ANK3: variants seen among roughly 807,000 people sequenced by gnomAD.
The protein encoded by ANK3 is ankyrin 3.
A neutral mutation model predicts 370.9 loss-of-function variants in ANK3; 57 were observed. The ratio of observed to expected loss-of-function variants is 0.15; its 90% CI spans 0.12 to 0.19. The LOEUF (loss-of-function observed/expected upper bound fraction) is 0.19, where lower values mean the gene tolerates loss of function less well. ANK3 is among the 10% of genes least tolerant of loss of function. The probability of loss-of-function intolerance (pLI) is 1.00; values close to 1 mark genes in which losing one functional copy is unlikely to be tolerated. For missense variants in ANK3, 4,439 were observed against 5,302.1 expected (o/e 0.84, Z 5.06); for synonymous variants, 1,929 against 1,946.3 (o/e 0.99, Z 0.23).
At chr10:60,426,067 GA>G (rs1004911048) in intron 2 of ANK3, among the ~76,000 whole-genome samples, 32 of 152,048 alleles carry the variant, frequency 2.1e-4, no homozygotes, top group African/African-American at 7.2e-4. Context: ...AAAAATATTT[GA>G]AAAAGCTTGA....
intron 2 of ANK3, among the ~76,000 whole-genome samples, chr10:60,536,910 G>C (rs1408439281): frequency 6.6e-6 from 1 of 151,862 alleles, no homozygotes; most frequent in Non-Finnish European, 1.5e-5. Context: ...TTGCAAAAAG[G>C]GACTGGCACT....
chr10:60,449,970 T>C (rs1325633847), intron 2 of ANK3, among the ~76,000 whole-genome samples: 2 of 133,138 alleles, frequency 1.5e-5, no homozygotes, highest in South Asian at 3.1e-4. Context: ...AGTGGTGCGA[T>C]GGAAAGAAAA....
chr10:60,043,515 C>T (rs1479709269), intron 42 of ANK3: 5 of 985,378 alleles, frequency 5.1e-6, no homozygotes, highest in Non-Finnish European at 6.0e-6. Context: ...TGGAGGGATT[C>T]TTTAACTGGC....
chr10:60,545,814 C>A (rs1281488862), intron 2 of ANK3, among the ~76,000 whole-genome samples: 1 of 152,134 alleles, frequency 6.6e-6, no homozygotes, highest in Non-Finnish European at 1.5e-5. Context: ...CAGTTTATAT[C>A]ACTAAAATTA....
rs113381956 is a variant in ANK3, at chr10:60,494,050, G to A, written c.96+121136C>T. Among the ~76,000 whole-genome samples the A allele has an allele frequency of 3.8e-3, 582 of 152,218 alleles. 1 individual carries two copies. The highest frequency in any genetic ancestry group is 0.01 in the Middle Eastern group (3 of 294). On this transcript the variant is annotated intron_variant, in intron 2 of 43. Transcript: ENST00000373827. Reference sequence around the variant, plus strand: ...ATAAGTATGGTGGGAGACTTCTGGGGAATTTTTCTTTGTTTATAGAAACAG... The same window carrying A: ...ATAAGTATGGTGGGAGACTTCTGGGAAATTTTTCTTTGTTTATAGAAACAG...
intron 1 of ANK3, among the ~76,000 whole-genome samples, chr10:60,304,169 A>G (rs1437836364): frequency 2.0e-5 from 3 of 152,082 alleles, no homozygotes; most frequent in Non-Finnish European, 4.4e-5. Context: ...TGAGTTCTGG[A>G]GACTTAATAC....
At chr10:60,332,702 G>C (rs1195905957) in intron 1 of ANK3, among the ~76,000 whole-genome samples, 1 of 152,112 alleles carries the variant, frequency 6.6e-6, no homozygotes, top group Non-Finnish European at 1.5e-5. Flanking sequence ...ATATAAATAA[G>C]AGCACCCTAT....
chr10:60,500,410 G>A (rs1393869933), intron 2 of ANK3, among the ~76,000 whole-genome samples: 1 of 152,094 alleles, frequency 6.6e-6, no homozygotes, highest in African/African-American at 2.4e-5. Flanking sequence ...ATTTGTGGAA[G>A]GTATTAGGAA....
intron 14 of ANK3, among the ~76,000 whole-genome samples, chr10:60,197,079 T>C (rs1465187770): frequency 1.3e-5 from 2 of 152,146 alleles, no homozygotes. Context: ...CCTCTCACAA[T>C]CTCACATCAC....
At chr10:60,376,440 T>C (rs1231500336) in intron 1 of ANK3, among the ~76,000 whole-genome samples, 2 of 150,998 alleles carry the variant, frequency 1.3e-5, no homozygotes, top group Non-Finnish European at 3.0e-5. Context: ...AGATGCCAAA[T>C]GGATGGCTAT....
intron 1 of ANK3, among the ~76,000 whole-genome samples, chr10:60,291,826 C>T (rs2041468311): frequency 1.3e-5 from 2 of 152,236 alleles, no homozygotes; most frequent in South Asian, 4.1e-4. Flanking sequence ...AATCCTCCCA[C>T]CTTGACCTCC....
intron 2 of ANK3, among the ~76,000 whole-genome samples, chr10:60,473,200 G>C (rs528388798): frequency 1.3e-5 from 2 of 152,132 alleles, no homozygotes; most frequent in Non-Finnish European, 2.9e-5. Context: ...TCACACTCAT[G>C]TATTTAAATA....
chr10:60,156,120 A>T (rs557636432), intron 23 of ANK3, among the ~76,000 whole-genome samples: 125 of 152,290 alleles, frequency 8.2e-4, no homozygotes, highest in African/African-American at 2.8e-3. Context: ...TTCAGTTGTG[A>T]CACCAGCTGT....
At chr10:60,242,998 T>C (rs1239806110) in intron 7 of ANK3, among the ~76,000 whole-genome samples, 2 of 152,192 alleles carry the variant, frequency 1.3e-5, no homozygotes, top group Non-Finnish European at 2.9e-5. Flanking sequence ...ACTTACTTTG[T>C]AGTGTACTAA....
At chr10:60,561,198 AC>A (rs2077326471) in intron 2 of ANK3, among the ~76,000 whole-genome samples, 1 of 152,254 alleles carries the variant, frequency 6.6e-6, no homozygotes, top group African/African-American at 2.4e-5. Flanking sequence ...CAAAATGCTG[AC>A]ATTAAATATG....
chr10:60,103,378 A>G (rs1590030686), intron 28 of ANK3, among the ~76,000 whole-genome samples: 1 of 152,224 alleles, frequency 6.6e-6, no homozygotes, highest in African/African-American at 2.4e-5. Context: ...ATAAAAGAAC[A>G]TAAAAAACAT....
At chr10:60,390,339 T>C (rs2062988119), upstream of ANK3, among the ~76,000 whole-genome samples, 5 of 152,128 alleles carry the variant, frequency 3.3e-5, no homozygotes. Flanking sequence ...CATATTGGTG[T>C]ATGGAACAGA....
At chr10:60,415,916 G>C (rs1594983577) in intron 2 of ANK3, among the ~76,000 whole-genome samples, 11 of 81,174 alleles carry the variant, frequency 1.4e-4, no homozygotes, top group African/African-American at 2.4e-4. Flanking sequence ...CTGAATTTGT[G>C]CCCCCCACCC....
intron 1 of ANK3, among the ~76,000 whole-genome samples, chr10:60,366,922 T>C (rs369593166): frequency 6.6e-6 from 1 of 152,246 alleles, no homozygotes; most frequent in South Asian, 2.1e-4. Context: ...CTTTATCCAA[T>C]GAAAAAACGT....
Sources: allele counts gnomAD v4.1 joint callset (sites outside exome capture counted in the v4.1 genomes callset), GRCh38; gene constraint gnomAD v4.1.1; transcripts MANE v1.5; gene names NCBI Gene and HGNC (gene_info 2026-07-23, HGNC 2026-07-21).